PALM2AKAP2: variants seen among roughly 807,000 people sequenced by gnomAD.
The protein encoded by PALM2AKAP2 is PALM2-AKAP2 fusion protein.
A neutral mutation model predicts 71.5 loss-of-function variants in PALM2AKAP2; 37 were observed. The observed-to-expected ratio is 0.52, with a 90% CI of 0.40 to 0.68. The LOEUF (loss-of-function observed/expected upper bound fraction) is 0.68. Among genes scored for constraint, PALM2AKAP2 ranks in the 30% least tolerant of loss-of-function variants. The pLI is 0.00. For synonymous variants in PALM2AKAP2, 468 were observed against 478.8 expected (o/e 0.98, Z 0.29); for missense variants, 1,224 against 1,191.8 (o/e 1.03, Z -0.40).
At chr9:109,980,341 G>A (rs997547220) in intron 6 of PALM2AKAP2, among the ~76,000 whole-genome samples, 1 of 152,116 alleles carries the variant, frequency 6.6e-6, no homozygotes, top group Non-Finnish European at 1.5e-5. Context: ...ACCTCCAAAT[G>A]CATCCTAAAC....
chr9:109,935,279 T>C (rs1025161976), intron 6 of PALM2AKAP2, among the ~76,000 whole-genome samples: 1 of 152,252 alleles, frequency 6.6e-6, no homozygotes, highest in Non-Finnish European at 1.5e-5. Flanking sequence ...AAAAGCAATC[T>C]TTTATTATTT....
upstream of PALM2AKAP2, chr9:110,048,652 C>T: frequency 6.8e-7 from 1 of 1,469,862 alleles, no homozygotes; most frequent in South Asian, 1.3e-5. Context: ...AGCAGGCGGG[C>T]GGGGCTCCCC....
At chr9:110,162,260 T>G (rs534369314) in intron 3 of PALM2AKAP2, 128 bp downstream of exon 10, 1,036 of 1,415,944 alleles carry the variant, frequency 7.3e-4, no homozygotes, top group Non-Finnish European at 8.9e-4. Context: ...ATATGTATTT[T>G]TTTGTGCCTG....
Position 110,076,000 on chromosome 9 carries a change from T to C in PALM2AKAP2, c.156+27145T>C, listed in dbSNP as rs746845878. 4.6e-5 allele frequency among the ~76,000 whole-genome samples: 7 copies of C among 152,166 alleles called. 1 individual carries two copies. Among genetic ancestry groups the C allele is most frequent in the Admixed American group, 4.6e-4 (7 of 15,266 alleles). On this transcript the variant is annotated intron_variant, in intron 1 of 3. Transcript: ENST00000374525. ...TTAAAAAAATTCAGGAAATTTGACATTGATACAATACTATTACCTAATATA... is the reference window on the plus strand; with the variant it reads ...TTAAAAAAATTCAGGAAATTTGACACTGATACAATACTATTACCTAATATA...
At chr9:109,833,288 G>C (rs1181713418) in intron 1 of PALM2AKAP2, among the ~76,000 whole-genome samples, 1 of 152,190 alleles carries the variant, frequency 6.6e-6, no homozygotes, top group African/African-American at 2.4e-5. Flanking sequence ...CTGGGAGGCG[G>C]AAGTTGCAGT....
At chr9:109,821,471 C>A (rs1345807663) in intron 1 of PALM2AKAP2, among the ~76,000 whole-genome samples, 3 of 152,162 alleles carry the variant, frequency 2.0e-5, no homozygotes, top group Non-Finnish European at 2.9e-5. Context: ...CTGGGGTCTA[C>A]CTCATTTCAG....
chr9:109,997,559 C>T (rs1035860939), intron 6 of PALM2AKAP2, among the ~76,000 whole-genome samples: 2 of 152,186 alleles, frequency 1.3e-5, no homozygotes, highest in Non-Finnish European at 2.9e-5. Flanking sequence ...AGAGGACTCC[C>T]CTACTCAAGG....
chr9:110,030,405 T>C (rs926412369), intron 7 of PALM2AKAP2, among the ~76,000 whole-genome samples: 1 of 152,180 alleles, frequency 6.6e-6, no homozygotes, highest in African/African-American at 2.4e-5. Context: ...TGTTTTCTTC[T>C]CTGGAGGGTA....
intron 6 of PALM2AKAP2, among the ~76,000 whole-genome samples, chr9:110,007,656 T>C (rs937048678): frequency 6.6e-6 from 1 of 152,174 alleles, no homozygotes; most frequent in Non-Finnish European, 1.5e-5. Flanking sequence ...ACCTAATCCT[T>C]TTCTGAGATG....
At chr9:109,771,350 A>G (rs1829258635) in intron 1 of PALM2AKAP2, among the ~76,000 whole-genome samples, 1 of 152,220 alleles carries the variant, frequency 6.6e-6, no homozygotes, top group Non-Finnish European at 1.5e-5. Flanking sequence ...TTCCAAGCAT[A>G]GCTCATGGTA....
intron 6 of PALM2AKAP2, among the ~76,000 whole-genome samples, chr9:110,004,810 G>C (rs1832747648): frequency 6.6e-6 from 1 of 152,120 alleles, no homozygotes; most frequent in African/African-American, 2.4e-5. Flanking sequence ...CTTTCTTCCA[G>C]TTGATCGAAT....
chr9:109,925,183 G>A, intron 5 of PALM2AKAP2, 101 bp downstream of exon 5: 1 of 1,567,540 alleles, frequency 6.4e-7, no homozygotes, highest in African/African-American at 1.4e-5. Flanking sequence ...GTGTTGATTT[G>A]TAAAGGCATC....
chr9:110,096,564 G>C (rs1194097320), intron 1 of PALM2AKAP2, among the ~76,000 whole-genome samples: 1 of 152,152 alleles, frequency 6.6e-6, no homozygotes, highest in Non-Finnish European at 1.5e-5. Flanking sequence ...ATCACGCCTG[G>C]CCTTGGCTCT....
chr9:110,086,319 C>G (rs1025307784), intron 1 of PALM2AKAP2, among the ~76,000 whole-genome samples: 6 of 152,032 alleles, frequency 3.9e-5, no homozygotes, highest in Non-Finnish European at 8.8e-5. Flanking sequence ...GATGTCTGGG[C>G]AGTATAAAAG....
chr9:109,782,161 A>G (rs1826821978), intron 1 of PALM2AKAP2, among the ~76,000 whole-genome samples: 1 of 152,214 alleles, frequency 6.6e-6, no homozygotes, highest in African/African-American at 2.4e-5. Flanking sequence ...ACACTGGGGT[A>G]CCCTTTTCCA....
At chr9:109,696,720 C>G (rs1827975602) in intron 1 of PALM2AKAP2, among the ~76,000 whole-genome samples, 1 of 152,128 alleles carries the variant, frequency 6.6e-6, no homozygotes, top group African/African-American at 2.4e-5. Context: ...TGGGCCAGTG[C>G]ATCTGTCTCC....
intron 1 of PALM2AKAP2, among the ~76,000 whole-genome samples, chr9:109,835,265 A>T (rs1192279921): frequency 2.1e-5 from 2 of 95,284 alleles, no homozygotes; most frequent in Admixed American, 2.6e-4. Context: ...GTAAGGGAAG[A>T]GGAGAGGGTG....
chr9:110,029,184 T>C (rs1323159139), intron 7 of PALM2AKAP2, among the ~76,000 whole-genome samples: 2 of 152,224 alleles, frequency 1.3e-5, no homozygotes, highest in East Asian at 3.8e-4. Context: ...GTTTGTTTGA[T>C]TGTTTTTTCT....
intron 1 of PALM2AKAP2, among the ~76,000 whole-genome samples, chr9:110,098,169 G>A (rs998524782): frequency 6.6e-6 from 1 of 151,512 alleles, no homozygotes; most frequent in Non-Finnish European, 1.5e-5. Context: ...GGAGAGGGGA[G>A]AGGGGAGAGG....
Sources: allele counts gnomAD v4.1 joint callset (sites outside exome capture counted in the v4.1 genomes callset), GRCh38; gene constraint gnomAD v4.1.1; transcripts MANE v1.5; gene names NCBI Gene and HGNC (gene_info 2026-07-23, HGNC 2026-07-21).